Variants in NCR1 observed in about 807,000 individuals in gnomAD.
The protein encoded by NCR1 is NK cell-activating receptor.
NCR1 carries 30 observed loss-of-function variants against 32.5 expected under a neutral mutation model. That is an observed-to-expected ratio of 0.92 (90% CI 0.69 to 1.25). The LOEUF is 1.25. NCR1 is among the 50% of genes most tolerant of loss of function. The probability of loss-of-function intolerance (pLI) is 0.00; values close to 1 mark genes in which losing one functional copy is unlikely to be tolerated. For missense variants in NCR1, 369 were observed against 380.7 expected (o/e 0.97, Z 0.26); for synonymous variants, 169 against 143.4 (o/e 1.18, Z -1.28).
At position 54,906,354 on chromosome 19, in the gene NCR1, C is replaced by T. The variant is rs773096323; in HGVS notation, c.70+20C>T. 10 of 1,612,558 alleles carry T rather than the reference C, an allele frequency of 6.2e-6. No homozygotes were observed. The East Asian group carries it at 1.6e-4, about 25-fold the overall frequency. ...AGCAGCGTGAGTCCTTCCTTCAAAG[C>T]CCAGGGTCACTCTTCCGGATTCAGG... On this transcript the variant is annotated intron_variant, in intron 2 of 6. Coordinates refer to ENST00000291890, the MANE Select transcript of NCR1 (RefSeq NM_004829.7).
chr19:54,929,132 G>A, the NCR1 span, among the ~76,000 whole-genome samples: 1 of 152,148 alleles, frequency 6.6e-6, no homozygotes, highest in Non-Finnish European at 1.5e-5. Context: ...ACTTTGGGAG[G>A]TTGAGGCAGG....
the NCR1 span, chr19:54,934,611 A>G: frequency 1.9e-6 from 3 of 1,613,992 alleles, no homozygotes; most frequent in Non-Finnish European, 2.5e-6. The surrounding 1 kb of genome is among the most constrained non-coding windows in gnomAD (Gnocchi z 6.7). Flanking sequence ...CTTTGAGGAC[A>G]TAGAAGAATT....
At chr19:54,926,405 G>C in the NCR1 span, among the ~76,000 whole-genome samples, 4 of 152,124 alleles carry the variant, frequency 2.6e-5, no homozygotes, top group Non-Finnish European at 4.4e-5. Context: ...GCTATAGAAA[G>C]ATGCCTTAAG....
At chr19:54,927,020 A>G in the NCR1 span, among the ~76,000 whole-genome samples, 4 of 151,096 alleles carry the variant, frequency 2.6e-5, no homozygotes, top group East Asian at 5.9e-4. Flanking sequence ...AACCTGTGAG[A>G]AGGAGGCTGC....
At chr19:54,917,183 C>T (rs1448820027), downstream of NCR1, among the ~76,000 whole-genome samples, 3 of 151,770 alleles carry the variant, frequency 2.0e-5, no homozygotes, top group Non-Finnish European at 4.4e-5. Flanking sequence ...GGCACCTCCA[C>T]CACCAGAGCC....
rs1471088932 is a variant in NCR1 at position 54,913,054 on chromosome 19, T to TC, written c.*184dup. ...GGGTGGGAGAACTACATGCTAAATT[T>TC]CTTTTTTTTTTTTTTTGAGACAGAG... On this transcript the variant is annotated 3_prime_UTR_variant, in exon 7 of 7. Transcript: ENST00000291890. The TC allele has an allele frequency of 8.0e-6, 4 of 498,514 alleles. No individual in the cohort carries two copies. Among genetic ancestry groups the TC allele is most frequent in the Admixed American group, 4.0e-5 (1 of 24,778 alleles). 30.9% of individuals were successfully genotyped at this position (498,514 alleles called of 1,614,324 possible). A position where few individuals can be genotyped will look rare whatever the true frequency, so the allele number is the denominator to read the frequency against.
chr19:54,932,323 G>A, the NCR1 span, among the ~76,000 whole-genome samples: 19 of 151,970 alleles, frequency 1.3e-4, no homozygotes, highest in African/African-American at 4.1e-4. Flanking sequence ...AGCTACTTGG[G>A]AGGCTGAGGC....
At chr19:54,937,615 G>T in the NCR1 span, among the ~76,000 whole-genome samples, 15 of 151,802 alleles carry the variant, frequency 9.9e-5, no homozygotes, top group African/African-American at 3.6e-4. Flanking sequence ...AATAAAAAAG[G>T]GGCCAGGTGC....
At chr19:54,928,517 A>T in the NCR1 span, among the ~76,000 whole-genome samples, 1 of 152,170 alleles carries the variant, frequency 6.6e-6, no homozygotes, top group African/African-American at 2.4e-5. Flanking sequence ...AGACATCTCG[A>T]TATGTTCTAT....
the NCR1 span, among the ~76,000 whole-genome samples, chr19:54,926,708 G>C: frequency 6.6e-6 from 1 of 152,014 alleles, no homozygotes; most frequent in East Asian, 1.9e-4. Flanking sequence ...CTGAGGTCAG[G>C]AGCTCGAGAC....
upstream of NCR1, among the ~76,000 whole-genome samples, chr19:54,904,364 T>A (rs1486755839): frequency 6.6e-6 from 1 of 151,932 alleles, no homozygotes; most frequent in African/African-American, 2.4e-5. Flanking sequence ...CTTTTTAGAT[T>A]CAGCAGATAC....
chr19:54,919,451 CAGAG>C (rs1191560656), downstream of NCR1, among the ~76,000 whole-genome samples: 9 of 152,042 alleles, frequency 5.9e-5, no homozygotes, highest in East Asian at 5.8e-4. Flanking sequence ...GGAGAGGAGA[CAGAG>C]AGAAAGACAG....
intron 5 of NCR1, among the ~76,000 whole-genome samples, chr19:54,910,765 C>CA (rs2067931539): frequency 1.3e-5 from 2 of 152,202 alleles, no homozygotes; most frequent in South Asian, 4.1e-4. Flanking sequence ...AAGGAAAAGA[C>CA]AAAGTAGAAC....
chr19:54,923,968 G>A, the NCR1 span: 5 of 1,399,686 alleles, frequency 3.6e-6, no homozygotes, highest in African/African-American at 4.2e-5. Context: ...AGCAGGAAAC[G>A]TTTTTGGGAT....
intron 3 of NCR1, among the ~76,000 whole-genome samples, chr19:54,907,705 T>C (rs1214255997): frequency 6.6e-6 from 1 of 152,020 alleles, no homozygotes; most frequent in East Asian, 1.9e-4. Context: ...CCATCATATA[T>C]GTGGTACATT....
At chr19:54,931,905 G>A in the NCR1 span, among the ~76,000 whole-genome samples, 2 of 151,830 alleles carry the variant, frequency 1.3e-5, no homozygotes, top group Non-Finnish European at 2.9e-5. Context: ...GCTCTGCCTG[G>A]GACAACAGCT....
the NCR1 span, among the ~76,000 whole-genome samples, chr19:54,936,887 C>G: frequency 6.6e-6 from 1 of 151,654 alleles, no homozygotes; most frequent in Non-Finnish European, 1.5e-5. Context: ...TGCACTCCAG[C>G]CTGGGCAACA....
At chr19:54,909,652 G>A (rs761139853) in intron 4 of NCR1, 129 bp downstream of exon 4, 2 of 1,131,684 alleles carry the variant, frequency 1.8e-6, no homozygotes, top group Non-Finnish European at 2.5e-6. Context: ...TTGGTCATGT[G>A]AGGAAGAACA....
the NCR1 span, among the ~76,000 whole-genome samples, chr19:54,899,799 C>T: frequency 2.0e-5 from 3 of 152,078 alleles, no homozygotes; most frequent in Admixed American, 6.6e-5. Flanking sequence ...ACCTCTGAAA[C>T]GTGGGTGAAT....
Sources: gnomAD v4.1 joint callset for allele counts (sites outside exome capture counted in the v4.1 genomes callset) on GRCh38, gnomAD v4.1.1 for gene constraint, Gnocchi (gnomAD v3.1) non-coding constraint, MANE v1.5 for transcripts, NCBI Gene and HGNC (gene_info 2026-07-23, HGNC 2026-07-21) for gene names.